OSBPL9: variants seen among roughly 807,000 people sequenced by gnomAD.
OSBPL9 encodes the protein oxysterol-binding protein-related protein 9.
A neutral mutation model predicts 106.6 loss-of-function variants in OSBPL9; 40 were observed. The observed-to-expected ratio is 0.38, with a 90% CI of 0.29 to 0.49. The LOEUF is 0.49. Among genes scored for constraint, OSBPL9 ranks in the 20% least tolerant of loss-of-function variants. The probability of loss-of-function intolerance (pLI) is 0.97; values close to 1 mark genes in which losing one functional copy is unlikely to be tolerated. For synonymous variants in OSBPL9, 269 were observed against 295.4 expected, an observed-to-expected ratio of 0.91 and a Z score of 0.92; for missense variants, 609 against 887.2, an observed-to-expected ratio of 0.69 and a Z score of 3.98.
intron 1 of OSBPL9, among the ~76,000 whole-genome samples, chr1:51,617,692 C>T (rs1331339088): frequency 2.0e-5 from 3 of 152,092 alleles, no homozygotes; most frequent in African/African-American, 7.2e-5. Flanking sequence ...CCAGAGGAGC[C>T]GGGACAGGTC....
chr1:51,565,423 A>C, the OSBPL9 span: 1 of 152,090 alleles, frequency 6.6e-6, no homozygotes, highest in Non-Finnish European at 1.5e-5. Context: ...CCTCCACCCC[A>C]GTTTCCCTCT....
intron 2 of OSBPL9, among the ~76,000 whole-genome samples, chr1:51,655,813 C>T (rs1217708619): frequency 6.6e-6 from 1 of 152,150 alleles, no homozygotes; most frequent in East Asian, 1.9e-4. Flanking sequence ...GGAGATAATA[C>T]TCTTCTTGCA....
intron 1 of OSBPL9, among the ~76,000 whole-genome samples, chr1:51,584,306 C>T (rs1171887908): frequency 6.6e-6 from 1 of 152,124 alleles, no homozygotes; most frequent in African/African-American, 2.4e-5. Context: ...AAGGATGAGA[C>T]CTGGATTCAA....
At chr1:51,707,219 G>T in intron 3 of OSBPL9, 1 of 348,338 alleles carries the variant, frequency 2.9e-6, no homozygotes, top group Non-Finnish European at 5.9e-6. Context: ...ACCAGGAATT[G>T]AGCCTGACAA....
chr1:51,619,342 T>C (rs1304123809), intron 1 of OSBPL9, among the ~76,000 whole-genome samples: 3 of 152,200 alleles, frequency 2.0e-5, no homozygotes, highest in Non-Finnish European at 4.4e-5. Flanking sequence ...TCTTCCTTTT[T>C]CCTCTTTTTC....
Position 51,787,453 on chromosome 1 carries a change from G to C in OSBPL9, c.2101G>C (p.Glu701Gln), listed in dbSNP as rs776879933. Residue 701 changes from glutamate (E) to glutamine (Q), a missense_variant, in exon 23 of 24, where the codon GAA (glutamate) becomes CAA (glutamine). This residue lies in a region of OSBPL9 where 132 missense variants were observed against 158.1 expected (regional missense o/e 0.83). Transcript: ENST00000428468. ...AGAAAGACAAAGAGCAGAAGCCCGAGAAAGGAAGGAGAAGGAAATTCAGTG... is the reference window on the plus strand; with the variant it reads ...AGAAAGACAAAGAGCAGAAGCCCGACAAAGGAAGGAGAAGGAAATTCAGTG... ...LEERQRAEAR[E>Q]RKEKEIQWET... is the part of the protein sequence containing the mutation. 2 of 1,614,044 alleles carry C rather than the reference G, an allele frequency of 1.2e-6. No homozygotes were observed. The highest frequency in any genetic ancestry group is 8.5e-7 in the Non-Finnish European group (1 of 1,179,924).
intron 12 of OSBPL9, 31 bp from the exon 13 acceptor site, chr1:51,772,039 A>C (rs1674024881): frequency 6.4e-7 from 1 of 1,551,052 alleles, no homozygotes. Flanking sequence ...TGCTTTCTTT[A>C]GCTTAAATAA....
At position 51,729,708 on chromosome 1, in the gene OSBPL9, A is replaced by T; in HGVS notation, c.318+15629A>T. ...TCGTCTGCCTCTCACCTCCTACAGC[A>T]GGTGACCCATGGCCAATCGCCAGGG... On this transcript the variant is annotated intron_variant, in intron 4 of 23. Coordinates refer to ENST00000428468, the MANE Select transcript of OSBPL9 (RefSeq NM_024586.6). This position sits in a 1 kb window ranked among gnomAD's most constrained non-coding sequence, Gnocchi z 5.1. 1 of 673,432 alleles carries T rather than the reference A, an allele frequency of 1.5e-6. No individual in the cohort carries two copies. Among genetic ancestry groups the T allele is most frequent in the Non-Finnish European group, 2.1e-6 (1 of 483,422 alleles). 41.7% of individuals were successfully genotyped at this position (673,432 alleles called of 1,614,324 possible).
At position 51,719,853 on chromosome 1, in the gene OSBPL9, T is replaced by C. The variant is rs114823130; in HGVS notation, c.318+5774T>C. The stretch of plus-strand genomic sequence containing the variant: ...ACAATCTAAATTAACATTAATTTAA[T>C]GTGATGAATGATATTGCCTTGCTAA... On this transcript the variant is annotated intron_variant, in intron 4 of 23. Transcript: ENST00000428468. 3.9e-3 allele frequency among the ~76,000 whole-genome samples: 598 copies of C among 152,336 alleles called. 5 individuals carry two copies. Among genetic ancestry groups the C allele is most frequent in the Admixed American group, 0.01 (159 of 15,302 alleles).
At chr1:51,762,232 G>A (rs1671675146) in intron 11 of OSBPL9, among the ~76,000 whole-genome samples, 1 of 152,006 alleles carries the variant, frequency 6.6e-6, no homozygotes, top group African/African-American at 2.4e-5. Context: ...CATTCAGGCT[G>A]GAGTGCAGTG....
chr1:51,762,030 T>G, intron 11 of OSBPL9, 59 bp downstream of exon 11: 1 of 1,260,030 alleles, frequency 7.9e-7, no homozygotes, highest in Non-Finnish European at 1.2e-6. Flanking sequence ...GAGGTTTGTT[T>G]GTGACCTCTG....
chr1:51,786,307 A>AT (rs1421323355), intron 21 of OSBPL9: 2 of 481,704 alleles, frequency 4.2e-6, no homozygotes, highest in Non-Finnish European at 7.4e-6. Flanking sequence ...AGATACCAAA[A>AT]TGAGTTAAGA....
At chr1:51,545,599 C>T in the OSBPL9 span, among the ~76,000 whole-genome samples, 1 of 151,978 alleles carries the variant, frequency 6.6e-6, no homozygotes, top group African/African-American at 2.4e-5. Context: ...ATAGCAAGAC[C>T]ACATCTCTAT....
intron 3 of OSBPL9, among the ~76,000 whole-genome samples, chr1:51,695,808 G>A (rs972598561): frequency 6.6e-6 from 1 of 152,118 alleles, no homozygotes; most frequent in African/African-American, 2.4e-5. Flanking sequence ...GTTAATACAT[G>A]TTATATGCTT....
chr1:51,666,557 C>T (rs74082645), intron 2 of OSBPL9, among the ~76,000 whole-genome samples: 3,507 of 152,282 alleles, frequency 0.023, 77 homozygotes, highest in Middle Eastern at 0.088. Context: ...ATTTTAATCA[C>T]TGCAGAAAGT....
intron 2 of OSBPL9, among the ~76,000 whole-genome samples, chr1:51,606,147 A>G (rs1214301330): frequency 1.3e-5 from 2 of 152,240 alleles, no homozygotes; most frequent in African/African-American, 4.8e-5. Context: ...CAAGCATTAA[A>G]TGGTGCAGGT....
At chr1:51,677,315 A>G (rs779095374) in intron 3 of OSBPL9, among the ~76,000 whole-genome samples, 2 of 152,206 alleles carry the variant, frequency 1.3e-5, no homozygotes, top group Non-Finnish European at 2.9e-5. Flanking sequence ...CCACTTACAC[A>G]TAAGAAGGAA....
At chr1:51,538,918 T>A in the OSBPL9 span, among the ~76,000 whole-genome samples, 4 of 152,180 alleles carry the variant, frequency 2.6e-5, no homozygotes, top group African/African-American at 9.7e-5. Context: ...ATTCTGCTGA[T>A]TTACTCTCTC....
At chr1:51,739,233 A>G (rs892037713) in intron 4 of OSBPL9, among the ~76,000 whole-genome samples, 1 of 151,992 alleles carries the variant, frequency 6.6e-6, no homozygotes, top group African/African-American at 2.4e-5. Context: ...TCAAAGGACT[A>G]GGTTGATATC....
Sources: allele counts gnomAD v4.1 joint callset (sites outside exome capture counted in the v4.1 genomes callset), GRCh38; gene constraint gnomAD v4.1.1; regional missense constraint gnomAD v4.1.1; non-coding constraint Gnocchi (gnomAD v3.1); transcripts MANE v1.5; gene names NCBI Gene and HGNC (gene_info 2026-07-23, HGNC 2026-07-21).